The following STAG1 variants were observed in gnomAD, a reference collection of about 807,000 sequenced individuals.
The protein encoded by STAG1 is cohesin subunit SA-1.
STAG1 carries 26 observed loss-of-function variants against 170.9 expected under a neutral mutation model. That is an observed-to-expected ratio of 0.15 (90% CI 0.11 to 0.21). The LOEUF is 0.21. Ranked by LOEUF, STAG1 falls within the 10% of genes least tolerant of loss-of-function variation. The probability of loss-of-function intolerance (pLI) is 1.00; values close to 1 mark genes in which losing one functional copy is unlikely to be tolerated. For missense variants in STAG1, 964 were observed against 1,509.5 expected, an observed-to-expected ratio of 0.64 and a Z score of 5.99; for synonymous variants, 514 against 497.7, an observed-to-expected ratio of 1.03 and a Z score of -0.44.
intron 7 of STAG1, among the ~76,000 whole-genome samples, chr3:136,514,608 C>T (rs1443947192): frequency 6.6e-6 from 1 of 152,144 alleles, no homozygotes; most frequent in African/African-American, 2.4e-5. Flanking sequence ...AAGACACATG[C>T]ATACGTATAT....
intron 7 of STAG1, among the ~76,000 whole-genome samples, chr3:136,516,714 G>C (rs965176328): frequency 2.0e-5 from 3 of 152,012 alleles, no homozygotes; most frequent in Non-Finnish European, 4.4e-5. Context: ...ACTATTATCC[G>C]TTTTTCTCAT....
chr3:136,733,391 C>T (rs571279269), intron 1 of STAG1, among the ~76,000 whole-genome samples: 1 of 152,104 alleles, frequency 6.6e-6, no homozygotes, highest in Admixed American at 6.5e-5. Flanking sequence ...TGGCCAAAGG[C>T]TAACTTTTTA....
chr3:136,705,671 T>A (rs1248749582), intron 1 of STAG1, among the ~76,000 whole-genome samples: 2 of 152,172 alleles, frequency 1.3e-5, no homozygotes, highest in Non-Finnish European at 2.9e-5. Flanking sequence ...TCTCTTTGCC[T>A]ATTGCCATGT....
At chr3:136,376,537 C>T (rs1184331776) in intron 23 of STAG1, among the ~76,000 whole-genome samples, 1 of 152,148 alleles carries the variant, frequency 6.6e-6, no homozygotes, top group Non-Finnish European at 1.5e-5. Context: ...CAGTCCTGAT[C>T]CTGTTGTCTG....
chr3:136,670,715 G>A (rs569256804), intron 1 of STAG1, among the ~76,000 whole-genome samples: 8 of 151,974 alleles, frequency 5.3e-5, no homozygotes, highest in East Asian at 1.9e-4. Context: ...CAAGTGATCC[G>A]CTTGCTTCAG....
Position 136,568,755 on chromosome 3 carries a change from C to A in STAG1, c.394+10G>T, listed in dbSNP as rs1244794317. The A allele has an allele frequency of 5.0e-6, 8 of 1,598,024 alleles. No homozygotes were observed. Among genetic ancestry groups the A allele is most frequent in the Non-Finnish European group, 6.9e-6 (8 of 1,167,262 alleles). On this transcript the variant is annotated intron_variant, in intron 5 of 33. Coordinates refer to ENST00000383202, the MANE Select transcript of STAG1 (RefSeq NM_005862.3). ...GCTCAATGTACATCATTTATTTCAACATTCTGTACCTCGACATCCTGAACA... is the reference window on the plus strand; with the variant it reads ...GCTCAATGTACATCATTTATTTCAAAATTCTGTACCTCGACATCCTGAACA...
At chr3:136,666,648 T>C (rs1207053300) in intron 1 of STAG1, among the ~76,000 whole-genome samples, 1 of 151,830 alleles carries the variant, frequency 6.6e-6, no homozygotes, top group African/African-American at 2.4e-5. Context: ...CGAAACCCCA[T>C]CTCTACTAAA....
intron 5 of STAG1, among the ~76,000 whole-genome samples, chr3:136,549,641 A>G (rs1433509746): frequency 7.2e-6 from 1 of 138,214 alleles, no homozygotes; most frequent in Non-Finnish European, 1.5e-5. Context: ...GTTAACAGAA[A>G]CAATTTCACT....
chr3:136,587,386 A>C (rs1937883830), intron 4 of STAG1, among the ~76,000 whole-genome samples: 1 of 152,016 alleles, frequency 6.6e-6, no homozygotes, highest in Non-Finnish European at 1.5e-5. Flanking sequence ...CTAGAAATAC[A>C]AAAATTAGCC....
At chr3:136,750,167 A>G (rs144959651) in intron 1 of STAG1, among the ~76,000 whole-genome samples, 2 of 152,300 alleles carry the variant, frequency 1.3e-5, no homozygotes, top group African/African-American at 2.4e-5. Context: ...AATCACCGTA[A>G]GATACTATCC....
At chr3:136,664,924 A>C (rs2107868718) in intron 1 of STAG1, among the ~76,000 whole-genome samples, 1 of 152,374 alleles carries the variant, frequency 6.6e-6, no homozygotes, top group East Asian at 1.9e-4. Flanking sequence ...AAAGTATCTA[A>C]GAGAGCAGGC....
intron 17 of STAG1, 25 bp downstream of exon 17, chr3:136,422,927 A>T: frequency 6.3e-7 from 1 of 1,589,114 alleles, no homozygotes; most frequent in Non-Finnish European, 8.6e-7. Context: ...TCAGTGACAT[A>T]ACAAAACTGT....
intron 6 of STAG1, among the ~76,000 whole-genome samples, chr3:136,535,289 A>T (rs1275687178): frequency 6.6e-6 from 1 of 152,228 alleles, no homozygotes; most frequent in East Asian, 1.9e-4. Context: ...ACTTACAGTT[A>T]GATAGAAGAA....
intron 1 of STAG1, among the ~76,000 whole-genome samples, chr3:136,749,230 A>G (rs1421414658): frequency 2.6e-5 from 4 of 152,180 alleles, no homozygotes; most frequent in African/African-American, 9.7e-5. Context: ...TTAGCTGGTG[A>G]GCTTTTAAAA....
chr3:136,723,930 G>A, intron 1 of STAG1, among the ~76,000 whole-genome samples: 1 of 148,394 alleles, frequency 6.7e-6, no homozygotes, highest in Non-Finnish European at 1.5e-5. Context: ...GGAGTGAGGT[G>A]GGGGGGTCAG....
intron 1 of STAG1, among the ~76,000 whole-genome samples, chr3:136,708,468 T>C (rs1403972408): frequency 6.6e-6 from 1 of 151,908 alleles, no homozygotes; most frequent in East Asian, 1.9e-4. Context: ...GGGGAGGGTG[T>C]CAAGGAAATA....
At chr3:136,739,026 T>C (rs1934507519) in intron 1 of STAG1, among the ~76,000 whole-genome samples, 1 of 152,094 alleles carries the variant, frequency 6.6e-6, no homozygotes, top group African/African-American at 2.4e-5. Context: ...AAGATAATTA[T>C]TACATAATGG....
At chr3:136,557,691 C>T (rs1175842415) in intron 5 of STAG1, among the ~76,000 whole-genome samples, 3 of 151,974 alleles carry the variant, frequency 2.0e-5, no homozygotes, top group African/African-American at 7.2e-5. Context: ...TACAAGTGCC[C>T]ACCACCATGC....
chr3:136,695,909 C>T (rs1017258459), intron 1 of STAG1, among the ~76,000 whole-genome samples: 1 of 152,130 alleles, frequency 6.6e-6, no homozygotes, highest in African/African-American at 2.4e-5. Context: ...GGTGAGCTCA[C>T]CTTGGATCCC....
Sources: gnomAD v4.1 joint callset for allele counts (sites outside exome capture counted in the v4.1 genomes callset) on GRCh38, gnomAD v4.1.1 for gene constraint, MANE v1.5 for transcripts, NCBI Gene and HGNC (gene_info 2026-07-23, HGNC 2026-07-21) for gene names.